SEC16B: variants seen among roughly 807,000 people sequenced by gnomAD.
The protein encoded by SEC16B is SEC16 homolog B, endoplasmic reticulum export factor.
Under a neutral mutation model 141.8 loss-of-function variants are expected in SEC16B, and 115 were observed. The observed-to-expected ratio is 0.81, with a 90% CI of 0.70 to 0.95. The LOEUF (loss-of-function observed/expected upper bound fraction) is 0.95. SEC16B is among the 40% of genes least tolerant of loss of function. SEC16B has a pLI of 0.00. For synonymous variants in SEC16B, 493 were observed against 492.5 expected (o/e 1.00, Z -0.01); for missense variants, 1,291 against 1,312.3 (o/e 0.98, Z 0.25).
chr1:177,959,399 A>C, intron 8 of SEC16B: 1 of 230,396 alleles, frequency 4.3e-6, no homozygotes, highest in South Asian at 6.2e-5. Flanking sequence ...GGAATTAGAA[A>C]ATTGTGTGGC....
rs780596349 is a variant in SEC16B, at chr1:177,958,197, T to C, written c.1300A>G (p.Ser434Gly). 2 of 1,596,392 alleles carry C rather than the reference T, an allele frequency of 1.3e-6. No homozygotes were observed. The highest frequency in any genetic ancestry group is 2.3e-5 in the South Asian group (2 of 86,630). Residue 434 changes from serine to glycine, a missense_variant, in exon 10 of 26, where the codon AGT (serine) becomes GGT (glycine). Ser to Gly is a moderately conservative substitution (Grantham distance 56). Transcript: ENST00000308284. ...ACGATCTGCGCAGGTGTCTCCACAC[T>C]GGGGGGGATCTCTCCCGTGAGCAGG... ...PNLLTGEIPP[S>G]VETPAQIVEK...
At chr1:177,959,272 C>A in intron 8 of SEC16B, 1 of 396,844 alleles carries the variant, frequency 2.5e-6, no homozygotes, top group Non-Finnish European at 4.7e-6. Context: ...GTCAGACAAC[C>A]CTGGATCTAA....
At chr1:177,972,625 A>G (rs1654005899), upstream of SEC16B, among the ~76,000 whole-genome samples, 1 of 152,156 alleles carries the variant, frequency 6.6e-6, no homozygotes, top group Non-Finnish European at 1.5e-5. Flanking sequence ...CTAGAAGTTT[A>G]CTAATTTATG....
rs1002821612 is a variant in SEC16B, at chr1:177,958,364, T to C, written c.1135-2A>G. On this transcript the variant is annotated splice_acceptor_variant, in intron 9 of 25. Coordinates refer to ENST00000308284, the MANE Select transcript of SEC16B (RefSeq NM_033127.4). LOFTEE classifies it high-confidence loss of function. ...AGCGATGTCAGACCCCACCATGGAC[T>C]GTAAGGCAAAGAGGATCATCTGGGG... 6.4e-7 allele frequency: 1 copy of C among 1,572,156 alleles called. No homozygotes were observed. Among genetic ancestry groups the C allele is most frequent in the Non-Finnish European group, 8.6e-7 (1 of 1,158,238 alleles).
At position 177,932,727 on chromosome 1, in the gene SEC16B, G is replaced by C; in HGVS notation, c.2903C>G (p.Pro968Arg). The C allele has an allele frequency of 6.2e-7, 1 of 1,604,868 alleles. No individual in the cohort carries two copies. The change falls in exon 23 of 26, where the codon CCG (proline) becomes CGG (arginine). Residue 968 changes from proline (P) to arginine (R), a missense_variant. Physicochemically the swap from Pro to Arg is moderately radical, Grantham distance 103. Coordinates refer to ENST00000308284, the MANE Select transcript of SEC16B (RefSeq NM_033127.4). ...GCCCCTGGAGAAGGCACTAACATCC[G>C]GCAGAGGTGGGGACTCAGGGGAAGG... ...LTPSPESPPLPDVSAFSRGRG... is the reference protein window; with the variant it reads ...LTPSPESPPLRDVSAFSRGRG...
intron 20 of SEC16B, 123 bp from the exon 21 acceptor site, chr1:177,933,759 T>C (rs912537733): frequency 3.1e-6 from 3 of 973,254 alleles, no homozygotes; most frequent in African/African-American, 3.2e-5. Context: ...GATCATATTG[T>C]ACTGAAGAGG....
At chr1:177,943,626 A>G (rs1651448455) in intron 15 of SEC16B, among the ~76,000 whole-genome samples, 1 of 152,238 alleles carries the variant, frequency 6.6e-6, no homozygotes, top group Non-Finnish European at 1.5e-5. Context: ...TAAGGTAGGA[A>G]GATAAGATAC....
intron 18 of SEC16B, among the ~76,000 whole-genome samples, chr1:177,938,580 A>T (rs1278126066): frequency 1.3e-5 from 2 of 152,202 alleles, no homozygotes; most frequent in African/African-American, 4.8e-5. Flanking sequence ...ACCCTTTGTA[A>T]GAAATAAAGT....
chr1:177,939,718 G>T lies in SEC16B; in HGVS notation c.2187C>A (p.Ala729=). The T allele has an allele frequency of 6.3e-7, 1 of 1,595,932 alleles. No individual in the cohort carries two copies. Residue 729 remains alanine, a synonymous_variant, in exon 18 of 26, where the codon GCC becomes GCA. Coordinates refer to ENST00000308284, the MANE Select transcript of SEC16B (RefSeq NM_033127.4). ...PHPTRSDISG[A]GGTTTENTFY... is the part of the protein sequence containing the mutation. ...TTTGGGTACCTGTTGTTGTTCCTCC[G>T]GCTCCCGAAATATCTGAGCGAGTAG...
chr1:177,969,604 T>C (rs1049066005), intron 1 of SEC16B, among the ~76,000 whole-genome samples: 1 of 152,176 alleles, frequency 6.6e-6, no homozygotes, highest in Admixed American at 6.5e-5. Flanking sequence ...CTTTCCCAAC[T>C]GCAAAGGTGC....
In SEC16B at chr1:177,941,977, A is replaced by G; in HGVS notation, c.1945T>C (p.Tyr649His). The G allele has an allele frequency of 6.2e-7, 1 of 1,614,056 alleles. No homozygotes were observed. Among genetic ancestry groups the G allele is most frequent in the Non-Finnish European group, 8.5e-7 (1 of 1,179,892 alleles). The part of the protein sequence containing the change: ...DYGLVSQALH[Y>H]CEAIGAAVLS... ...ACAGCTGCACCAATGGCTTCGCAGT[A>G]ATGCAAAGCCTGGGACACGAGGCCA... The change falls in exon 16 of 26, where the codon TAC (tyrosine) becomes CAC (histidine). Residue 649 changes from tyrosine to histidine, a missense_variant. Around this residue, in one of 3 missense-constraint regions of SEC16B, gnomAD observed 605 missense variants for 614.1 expected, o/e 0.99. Transcript: ENST00000308284.
At chr1:177,975,640 A>G (rs1239563832) in intron 1 of SEC16B, among the ~76,000 whole-genome samples, 3 of 152,240 alleles carry the variant, frequency 2.0e-5, no homozygotes, top group Admixed American at 1.3e-4. Context: ...AAAATTCTTA[A>G]TCAAAGTGGG....
At chr1:177,948,991 C>T (rs1174378178) in intron 12 of SEC16B, among the ~76,000 whole-genome samples, 4 of 151,366 alleles carry the variant, frequency 2.6e-5, no homozygotes, top group Non-Finnish European at 4.4e-5. Flanking sequence ...TTTGCATAGC[C>T]GCCTACCTTC....
At chr1:177,946,640 G>T in intron 13 of SEC16B, 109 bp from the exon 14 acceptor site, 1 of 760,010 alleles carries the variant, frequency 1.3e-6, no homozygotes, top group Non-Finnish European at 2.2e-6. Flanking sequence ...GGTCAGAGGG[G>T]AGAAGCCACA....
intron 1 of SEC16B, among the ~76,000 whole-genome samples, chr1:177,969,457 C>T (rs1339436782): frequency 6.6e-6 from 1 of 152,154 alleles, no homozygotes; most frequent in Admixed American, 6.5e-5. Flanking sequence ...CCAGGAAAGG[C>T]CAAATGTCCC....
intron 6 of SEC16B, 193 bp from the exon 7 acceptor site, chr1:177,961,132 G>A (rs1653028985): frequency 1.7e-6 from 1 of 590,564 alleles, no homozygotes; most frequent in Non-Finnish European, 3.0e-6. Context: ...GAAGGTGTCA[G>A]AATACAATGC....
At chr1:177,947,100 G>A (rs1651772497) in intron 13 of SEC16B, among the ~76,000 whole-genome samples, 2 of 152,252 alleles carry the variant, frequency 1.3e-5, no homozygotes, top group South Asian at 2.1e-4. Context: ...TTCCACTCAG[G>A]GTGCTGCATG....
intron 5 of SEC16B, among the ~76,000 whole-genome samples, chr1:177,963,716 G>A (rs746974983): frequency 8.5e-5 from 13 of 152,256 alleles, no homozygotes; most frequent in Admixed American, 2.6e-4. Context: ...CCCAGCTGGC[G>A]CATACAATAA....
rs751135656 is a variant in SEC16B, at chr1:177,932,810, C to A, written c.2824-4G>T. 1.0e-5 allele frequency: 16 copies of A among 1,607,024 alleles called. No homozygotes were observed. In the East Asian group the frequency reaches 3.6e-4, roughly 36 times the overall value. ...GAGAAGATGCTCTGGGGGTCTCCTGCTTTGTGGAGAAAGAAAGGCAGCATT... is the reference window on the plus strand; with the variant it reads ...GAGAAGATGCTCTGGGGGTCTCCTGATTTGTGGAGAAAGAAAGGCAGCATT... On this transcript the variant is annotated splice_region_variant and splice_polypyrimidine_tract_variant and intron_variant, in intron 22 of 25. Coordinates refer to ENST00000308284, the MANE Select transcript of SEC16B (RefSeq NM_033127.4).
Sources: allele counts gnomAD v4.1 joint callset (sites outside exome capture counted in the v4.1 genomes callset), GRCh38; gene constraint gnomAD v4.1.1; regional missense constraint gnomAD v4.1.1; transcripts MANE v1.5; gene names NCBI Gene and HGNC (gene_info 2026-07-23, HGNC 2026-07-21).